The following GMPS variants were observed in gnomAD, a reference collection of about 807,000 sequenced individuals.
GMPS encodes the protein GMP synthase [glutamine-hydrolyzing].
GMPS carries 15 observed loss-of-function variants against 77.9 expected under a neutral mutation model. The observed-to-expected ratio is 0.19, with a 90% CI of 0.13 to 0.30. The LOEUF (loss-of-function observed/expected upper bound fraction) is 0.30, where lower values mean the gene tolerates loss of function less well. Ranked by LOEUF, GMPS falls within the 10% of genes least tolerant of loss-of-function variation. The pLI, the probability that GMPS is intolerant of heterozygous loss-of-function variation, is 1.00. For missense variants in GMPS, 590 were observed against 838.8 expected (o/e 0.70, Z 3.66); for synonymous variants, 224 against 275.9 (o/e 0.81, Z 1.86).
intron 9 of GMPS, among the ~76,000 whole-genome samples, chr3:155,917,909 G>C (rs1164760034): frequency 6.6e-6 from 1 of 152,000 alleles, no homozygotes; most frequent in African/African-American, 2.4e-5. Flanking sequence ...ACTGAGTAAT[G>C]TACTACTATA....
intron 8 of GMPS, among the ~76,000 whole-genome samples, chr3:155,915,814 G>A (rs1454598569): frequency 2.0e-5 from 3 of 152,218 alleles, no homozygotes; most frequent in Non-Finnish European, 4.4e-5. Context: ...GGGATTACAG[G>A]CGTGAGCCAC....
intron 1 of GMPS, among the ~76,000 whole-genome samples, chr3:155,892,376 C>G (rs555996253): frequency 2.6e-5 from 4 of 151,756 alleles, no homozygotes; most frequent in Admixed American, 6.6e-5. Flanking sequence ...AACAAAAAAG[C>G]AAACAAAAAA....
intron 4 of GMPS, among the ~76,000 whole-genome samples, chr3:155,905,300 C>T (rs1186406486): frequency 1.3e-5 from 2 of 152,050 alleles, no homozygotes; most frequent in Admixed American, 6.6e-5. Context: ...CGCGCCTGGC[C>T]GTTCCTTATT....
intron 12 of GMPS, among the ~76,000 whole-genome samples, chr3:155,926,441 A>G (rs923402033): frequency 1.1e-4 from 17 of 152,186 alleles, no homozygotes; most frequent in African/African-American, 3.9e-4. Context: ...CAGTAGTTCA[A>G]CTCGAAAATG....
chr3:155,898,101 C>T (rs1385425830), intron 3 of GMPS, 60 bp downstream of exon 3: 8 of 835,370 alleles, frequency 9.6e-6, no homozygotes, highest in Non-Finnish European at 1.7e-5. Flanking sequence ...GTGAGTCATA[C>T]TGTATTAGTA....
intron 1 of GMPS, among the ~76,000 whole-genome samples, chr3:155,887,112 A>G (rs555897034): frequency 1.3e-5 from 2 of 152,300 alleles, no homozygotes; most frequent in African/African-American, 4.8e-5. Flanking sequence ...TTTTTCAGCC[A>G]GAAAGGACAG....
intron 5 of GMPS, among the ~76,000 whole-genome samples, chr3:155,906,575 G>T (rs749606006): frequency 2.6e-5 from 4 of 152,056 alleles, no homozygotes; most frequent in Non-Finnish European, 5.9e-5. Context: ...TTGAGAACTC[G>T]CTGTCTTCAT....
rs1754874880 is a variant in GMPS, at chr3:155,906,105, C to G, written c.423-55C>G. The G allele has an allele frequency of 5.8e-6, 6 of 1,038,596 alleles. No homozygotes were observed. The Admixed American group carries it at 1.4e-4, about 24-fold the overall frequency. 64.3% of individuals were successfully genotyped at this position (1,038,596 alleles called of 1,614,324 possible). Reference sequence around the variant, plus strand: ...CTTGTGTTTCTAAAACAAAAGAACCCATGAATCATGTTTTTAATTAAGATA... The same window carrying G: ...CTTGTGTTTCTAAAACAAAAGAACCGATGAATCATGTTTTTAATTAAGATA... On this transcript the variant is annotated intron_variant, in intron 4 of 15. Transcript: ENST00000496455.
chr3:155,888,028 C>T (rs986419736), intron 1 of GMPS, among the ~76,000 whole-genome samples: 1 of 151,904 alleles, frequency 6.6e-6, no homozygotes, highest in Non-Finnish European at 1.5e-5. Flanking sequence ...AGATGATGGC[C>T]TCTTATGAAA....
intron 12 of GMPS, among the ~76,000 whole-genome samples, chr3:155,929,440 T>C (rs1230798985): frequency 3.3e-5 from 5 of 151,380 alleles, no homozygotes; most frequent in Non-Finnish European, 7.4e-5. Flanking sequence ...AGCATTCCCT[T>C]TGAAAACTGG....
chr3:155,875,386 G>A lies in GMPS; in HGVS notation c.27+4489G>A, dbSNP rs543786937. 3.3e-5 allele frequency among the ~76,000 whole-genome samples: 5 copies of A among 151,742 alleles called. No individual in the cohort carries two copies. In the South Asian group the frequency reaches 1.0e-3, roughly 32 times the overall value. ...GCTGGGACTAAATGCGCATGCCGCC[G>A]TGCCTGGCTAACTTTTGTATTTTTA... On this transcript the variant is annotated intron_variant, in intron 1 of 15. Coordinates refer to ENST00000496455, the MANE Select transcript of GMPS (RefSeq NM_003875.3).
At chr3:155,937,295 TTCTTAAGCACTTG>T (rs1755786967) in intron 15 of GMPS, among the ~76,000 whole-genome samples, 1 of 152,216 alleles carries the variant, frequency 6.6e-6, no homozygotes, top group Non-Finnish European at 1.5e-5. Context: ...TCGCTATATG[TTCTTAAGCACTTG>T]TGGCTCAGTC....
At chr3:155,871,020 C>A in intron 1 of GMPS, 123 bp downstream of exon 1, 1 of 856,630 alleles carries the variant, frequency 1.2e-6, no homozygotes, top group Non-Finnish European at 1.6e-6. Flanking sequence ...CCCTGCGCCC[C>A]GGGCAGCCAC....
intron 12 of GMPS, among the ~76,000 whole-genome samples, chr3:155,926,975 T>C (rs1470728582): frequency 6.6e-6 from 1 of 151,506 alleles, no homozygotes; most frequent in African/African-American, 2.4e-5. Context: ...GATTGCGCCA[T>C]TGCACTCCAG....
chr3:155,904,009 A>G (rs908090346), intron 4 of GMPS, 49 bp downstream of exon 4: 1 of 731,040 alleles, frequency 1.4e-6, no homozygotes, highest in African/African-American at 1.8e-5. Flanking sequence ...ACTAATTTAA[A>G]GTTGATACTA....
chr3:155,883,950 T>C (rs1262293788), intron 1 of GMPS, among the ~76,000 whole-genome samples: 4 of 152,142 alleles, frequency 2.6e-5, no homozygotes, highest in African/African-American at 4.8e-5. Flanking sequence ...TGATTCGGGC[T>C]GATTGATACT....
rs192971598 is a variant in GMPS, at chr3:155,940,776, A to G, written c.*3084A>G. ...TTTTTTTTAAGGTTCTTTTATCATCAGATATGACACAAAGGGAAACATCAA... is the reference window on the plus strand; with the variant it reads ...TTTTTTTTAAGGTTCTTTTATCATCGGATATGACACAAAGGGAAACATCAA... On this transcript the variant is annotated 3_prime_UTR_variant, in exon 16 of 16. Transcript: ENST00000496455. 1 of 216,000 alleles carries G rather than the reference A, an allele frequency of 4.6e-6. No individual in the cohort carries two copies. The highest frequency in any genetic ancestry group is 9.1e-6 in the Non-Finnish European group (1 of 109,556). The allele number at this position is 216,000 out of a possible 1,614,324, so 13.4% of individuals were successfully genotyped here. A position where few individuals can be genotyped will look rare whatever the true frequency, so the allele number is the denominator to read the frequency against.
intron 3 of GMPS, among the ~76,000 whole-genome samples, chr3:155,899,432 C>CTTTT (rs59464061): frequency 1.4e-5 from 2 of 143,608 alleles, no homozygotes; most frequent in African/African-American, 5.1e-5. Flanking sequence ...CTCTTCTTTT[C>CTTTT]TTTTTTTTTT....
chr3:155,873,800 A>G (rs1483604849), intron 1 of GMPS, among the ~76,000 whole-genome samples: 5 of 151,504 alleles, frequency 3.3e-5, no homozygotes, highest in African/African-American at 1.2e-4. Flanking sequence ...ATGCCTAGCT[A>G]ATTTTTTTGT....
Sources: gnomAD v4.1 joint callset for allele counts (sites outside exome capture counted in the v4.1 genomes callset) on GRCh38, gnomAD v4.1.1 for gene constraint, MANE v1.5 for transcripts, NCBI Gene and HGNC (gene_info 2026-07-23, HGNC 2026-07-21) for gene names.